Variants in FAM162A observed in about 807,000 individuals in gnomAD.
FAM162A encodes protein FAM162A.
In FAM162A, 23 loss-of-function variants were observed where a neutral mutation model predicts 21.8. The observed-to-expected ratio is 1.05, with a 90% CI of 0.76 to 1.49. The LOEUF (loss-of-function observed/expected upper bound fraction) is 1.49. Ranked by LOEUF, FAM162A falls within the 40% of genes most tolerant of loss-of-function variation. The probability of loss-of-function intolerance (pLI) is 0.00; values close to 1 mark genes in which losing one functional copy is unlikely to be tolerated. For missense variants in FAM162A, 165 were observed against 186.4 expected (o/e 0.89, Z 0.67); for synonymous variants, 53 against 61.3 (o/e 0.86, Z 0.64).
chr3:122,403,368 G>A lies in FAM162A; in HGVS notation c.157+486G>A, dbSNP rs147029695. 1.1e-3 allele frequency among the ~76,000 whole-genome samples: 162 copies of A among 152,314 alleles called. 1 individual carries two copies. Among genetic ancestry groups the A allele is most frequent in the Non-Finnish European group, 1.9e-3 (132 of 68,024 alleles). Reference sequence around the variant, plus strand: ...ATCTTCTTGCCTGTAGGGTTGGACTGGAGCTTTCTGTAGGAGAATGGATGC... The same window carrying A: ...ATCTTCTTGCCTGTAGGGTTGGACTAGAGCTTTCTGTAGGAGAATGGATGC... On this transcript the variant is annotated intron_variant, in intron 2 of 4. Transcript: ENST00000477892.
At chr3:122,389,374 TATAG>T (rs1216943100) in intron 1 of FAM162A, among the ~76,000 whole-genome samples, 6 of 132,576 alleles carry the variant, frequency 4.5e-5, no homozygotes, top group Non-Finnish European at 9.6e-5. Flanking sequence ...TGGAAAGTAG[TATAG>T]ATGGATAGAT....
chr3:122,385,298 G>A lies in FAM162A; in HGVS notation c.34+999G>A, dbSNP rs538056198. Among the ~76,000 whole-genome samples the A allele has an allele frequency of 5.4e-4, 82 of 152,170 alleles. 3 individuals are homozygous for A. The South Asian group carries it at 0.017, about 31-fold the overall frequency. ...CTAGTGTTCCGGTAGAGAATGGACTGGAAAACATGTCTCAAACTAGAGAGT... is the reference window on the plus strand; with the variant it reads ...CTAGTGTTCCGGTAGAGAATGGACTAGAAAACATGTCTCAAACTAGAGAGT... On this transcript the variant is annotated intron_variant, in intron 1 of 4. Coordinates refer to ENST00000477892, the MANE Select transcript of FAM162A (RefSeq NM_014367.4).
At chr3:122,391,334 A>C (rs1177755793) in intron 1 of FAM162A, among the ~76,000 whole-genome samples, 1 of 152,244 alleles carries the variant, frequency 6.6e-6, no homozygotes, top group African/African-American at 2.4e-5. Flanking sequence ...CTGGGACCAC[A>C]GGCACATGCC....
intron 1 of FAM162A, among the ~76,000 whole-genome samples, chr3:122,387,732 T>C (rs1444090793): frequency 6.6e-6 from 1 of 152,196 alleles, no homozygotes; most frequent in Non-Finnish European, 1.5e-5. Flanking sequence ...GTGTGTATAC[T>C]GTGAAGGCTC....
chr3:122,394,676 G>GCC (rs1446037863), intron 1 of FAM162A, among the ~76,000 whole-genome samples: 5 of 152,150 alleles, frequency 3.3e-5, no homozygotes, highest in Admixed American at 3.3e-4. Flanking sequence ...TCCAGGCCCA[G>GCC]ATGGCTTCAA....
Position 122,410,233 on chromosome 3 carries a change from A to C in FAM162A, c.*402A>C. 3.1e-6 allele frequency: 1 copy of C among 319,910 alleles called. No homozygotes were observed. Among genetic ancestry groups the C allele is most frequent in the Non-Finnish European group, 6.1e-6 (1 of 164,974 alleles). The allele number at this position is 319,910 out of a possible 1,614,324, so 19.8% of individuals were successfully genotyped here. ...CAGCTTGGAGGGCCAGCCTTCTCAA[A>C]TGTCCTGGTGTACTGGTGGGGAGGC... On this transcript the variant is annotated 3_prime_UTR_variant, in exon 5 of 5. Coordinates refer to ENST00000477892, the MANE Select transcript of FAM162A (RefSeq NM_014367.4).
At chr3:122,388,941 C>G (rs930744054) in intron 1 of FAM162A, among the ~76,000 whole-genome samples, 1 of 151,678 alleles carries the variant, frequency 6.6e-6, no homozygotes, top group African/African-American at 2.4e-5. Flanking sequence ...CCCAGCTACT[C>G]AGGAGGCTGA....
In FAM162A at chr3:122,407,297, G is replaced by A. The variant is rs1260394716; in HGVS notation, c.280G>A (p.Ala94Thr). The A allele has an allele frequency of 2.5e-6, 4 of 1,613,948 alleles. No homozygotes were observed. The highest frequency in any genetic ancestry group is 2.2e-5 in the South Asian group (2 of 91,068). ...TATTACTAGGTTGGAGATGCTTGAT[G>A]CTGCAAAGAACAAGATGCGAGTGAA... ...PETVSLEMLDAAKNKMRVKIS... is the reference protein window; with the variant it reads ...PETVSLEMLDTAKNKMRVKIS... Residue 94 changes from alanine (A) to threonine (T), a missense_variant, in exon 4 of 5, where the codon GCT becomes ACT. Transcript: ENST00000477892.
At position 122,410,015 on chromosome 3, in the gene FAM162A, GT is replaced by G; in HGVS notation, c.*188del. 1.5e-6 allele frequency: 1 copy of G among 646,554 alleles called. No homozygotes were observed. The highest frequency in any genetic ancestry group is 2.8e-6 in the Non-Finnish European group (1 of 357,980). 40.1% of individuals were successfully genotyped at this position (646,554 alleles called of 1,614,324 possible). On this transcript the variant is annotated 3_prime_UTR_variant, in exon 5 of 5. Coordinates refer to ENST00000477892, the MANE Select transcript of FAM162A (RefSeq NM_014367.4). ...TCTTAAATAATGACTGTGTTTTATT[GT>G]TTTGATCCAAGTCAAGTGTAGCCTC...
At chr3:122,403,618 C>T (rs1409412421) in intron 2 of FAM162A, among the ~76,000 whole-genome samples, 3 of 152,190 alleles carry the variant, frequency 2.0e-5, no homozygotes, top group African/African-American at 7.2e-5. Flanking sequence ...AGTATTCATG[C>T]TCTTTCCTTC....
chr3:122,395,010 G>GA (rs544756936), intron 1 of FAM162A, among the ~76,000 whole-genome samples: 64 of 151,950 alleles, frequency 4.2e-4, no homozygotes, highest in Middle Eastern at 6.8e-3. Context: ...TAGAATAAAG[G>GA]AAAAAAACAC....
intron 1 of FAM162A, among the ~76,000 whole-genome samples, chr3:122,389,433 A>AGATAGATG (rs1254956270): frequency 6.8e-6 from 1 of 146,474 alleles, no homozygotes; most frequent in South Asian, 2.2e-4. Context: ...ATAGATAGAT[A>AGATAGATG]GATGAGATAG....
chr3:122,408,774 A>G (rs2075688950), intron 4 of FAM162A, among the ~76,000 whole-genome samples: 1 of 152,132 alleles, frequency 6.6e-6, no homozygotes. Context: ...GAGTTTAAAT[A>G]CTCCAGAAGC....
At chr3:122,402,725 T>TTTCG (rs1560001636) in intron 1 of FAM162A, 35 bp from the exon 2 acceptor site, 1 of 1,498,266 alleles carries the variant, frequency 6.7e-7, no homozygotes, top group Non-Finnish European at 8.9e-7. Flanking sequence ...ATTTTCTTTC[T>TTTCG]TTCTTTCTTT....
intron 1 of FAM162A, among the ~76,000 whole-genome samples, chr3:122,390,414 C>T (rs1170031676): frequency 6.6e-6 from 1 of 152,174 alleles, no homozygotes; most frequent in African/African-American, 2.4e-5. Flanking sequence ...AATATTGATT[C>T]TCTGATTCCC....
At chr3:122,389,433 A>AGATAGATAGATAGATG (rs1254956270) in intron 1 of FAM162A, among the ~76,000 whole-genome samples, 2 of 146,366 alleles carry the variant, frequency 1.4e-5, no homozygotes, top group African/African-American at 5.1e-5. Context: ...ATAGATAGAT[A>AGATAGATAGATAGATG]GATGAGATAG....
intron 3 of FAM162A, among the ~76,000 whole-genome samples, chr3:122,406,314 C>T (rs958210800): frequency 2.6e-5 from 4 of 152,128 alleles, no homozygotes; most frequent in South Asian, 2.1e-4. Context: ...CCTATAGCCC[C>T]GGCTGCTCAG....
At chr3:122,398,960 A>T (rs895400648) in intron 1 of FAM162A, among the ~76,000 whole-genome samples, 12 of 152,200 alleles carry the variant, frequency 7.9e-5, no homozygotes, top group African/African-American at 2.4e-4. Context: ...GTTCAGGGCT[A>T]CATGTGCAGG....
intron 1 of FAM162A, among the ~76,000 whole-genome samples, chr3:122,388,224 CTGAG>C (rs1185983714): frequency 6.6e-6 from 1 of 152,086 alleles, no homozygotes; most frequent in Non-Finnish European, 1.5e-5. Flanking sequence ...TTTGGAGATA[CTGAG>C]TAAGGAAGGA....
Sources: gnomAD v4.1 joint callset for allele counts (sites outside exome capture counted in the v4.1 genomes callset) on GRCh38, gnomAD v4.1.1 for gene constraint, MANE v1.5 for transcripts, NCBI Gene and HGNC (gene_info 2026-07-23, HGNC 2026-07-21) for gene names.